The following MAGI2 variants were observed in gnomAD, a reference collection of about 807,000 sequenced individuals.
MAGI2 encodes the protein membrane associated guanylate kinase, WW and PDZ domain containing 2, also known as membrane-associated guanylate kinase, WW and PDZ domain-containing protein 2.
Under a neutral mutation model 133.3 loss-of-function variants are expected in MAGI2, and 35 were observed. That is an observed-to-expected ratio of 0.26 (90% CI 0.20 to 0.35). The LOEUF (loss-of-function observed/expected upper bound fraction) is 0.35, where lower values mean the gene tolerates loss of function less well. MAGI2 is among the 10% of genes least tolerant of loss of function. The pLI is 1.00. For synonymous variants in MAGI2, 729 were observed against 710.6 expected (o/e 1.03, Z -0.41); for missense variants, 1,636 against 1,863.4 (o/e 0.88, Z 2.25).
intron 21 of MAGI2, among the ~76,000 whole-genome samples, chr7:78,020,450 T>C (rs1808273218): frequency 6.6e-6 from 1 of 152,178 alleles, no homozygotes; most frequent in Non-Finnish European, 1.5e-5. Flanking sequence ...CTCTGTATTT[T>C]TATCAGGCAC....
intron 21 of MAGI2, among the ~76,000 whole-genome samples, chr7:78,033,008 A>AT (rs1809753332): frequency 6.6e-6 from 1 of 152,182 alleles, no homozygotes; most frequent in South Asian, 2.1e-4. Context: ...GAGAAATGGT[A>AT]TTTTAAAAGG....
intron 1 of MAGI2, among the ~76,000 whole-genome samples, chr7:79,281,800 T>A (rs2129558030): frequency 6.6e-6 from 1 of 152,318 alleles, no homozygotes; most frequent in South Asian, 2.1e-4. Flanking sequence ...TTGCAAGTTT[T>A]ACATACTATA....
intron 9 of MAGI2, among the ~76,000 whole-genome samples, chr7:78,296,294 A>C (rs371380538): frequency 5.3e-4 from 80 of 152,256 alleles, no homozygotes; most frequent in African/African-American, 1.8e-3. Flanking sequence ...ATCTCACCCT[A>C]ATTCATGTTC....
intron 1 of MAGI2, among the ~76,000 whole-genome samples, chr7:79,098,085 GC>G (rs1817669004): frequency 6.6e-6 from 1 of 152,150 alleles, no homozygotes; most frequent in South Asian, 2.1e-4. Flanking sequence ...TGGCACCTCT[GC>G]ACTCCAGCCT....
chr7:79,382,337 T>A (rs1843851624), intron 1 of MAGI2, among the ~76,000 whole-genome samples: 1 of 151,728 alleles, frequency 6.6e-6, no homozygotes, highest in Non-Finnish European at 1.5e-5. Flanking sequence ...ATATTTTTCT[T>A]CTTATATTCT....
intron 3 of MAGI2, among the ~76,000 whole-genome samples, chr7:78,594,158 T>A (rs1466780886): frequency 6.6e-6 from 1 of 152,242 alleles, no homozygotes; most frequent in Non-Finnish European, 1.5e-5. Flanking sequence ...CTCCTCAGAA[T>A]GTTGAAGCTG....
chr7:79,132,114 G>T (rs1820989999), intron 1 of MAGI2, among the ~76,000 whole-genome samples: 1 of 152,054 alleles, frequency 6.6e-6, no homozygotes, highest in Admixed American at 6.6e-5. Context: ...GTAATATCTT[G>T]CTGAAGGTAG....
chr7:79,134,439 G>A (rs763740275), intron 1 of MAGI2, among the ~76,000 whole-genome samples: 5 of 152,116 alleles, frequency 3.3e-5, no homozygotes, highest in Non-Finnish European at 7.4e-5. Flanking sequence ...TGGTGTGGTT[G>A]TTGCTTGCTG....
At chr7:79,450,751 A>G (rs1240554697) in intron 1 of MAGI2, among the ~76,000 whole-genome samples, 1 of 152,182 alleles carries the variant, frequency 6.6e-6, no homozygotes, top group Non-Finnish European at 1.5e-5. Context: ...TATCTAATCC[A>G]GGTCCTCATC....
intron 20 of MAGI2, among the ~76,000 whole-genome samples, chr7:78,113,796 C>A (rs1458363485): frequency 2.0e-5 from 3 of 152,074 alleles, no homozygotes; most frequent in African/African-American, 7.2e-5. Flanking sequence ...ACAGTACAGG[C>A]CTTGGGGAGA....
intron 3 of MAGI2, among the ~76,000 whole-genome samples, chr7:78,567,209 C>T (rs1357625701): frequency 6.6e-6 from 1 of 152,136 alleles, no homozygotes; most frequent in Non-Finnish European, 1.5e-5. Context: ...CTGTACTTTT[C>T]TTCTATTTCT....
intron 1 of MAGI2, among the ~76,000 whole-genome samples, chr7:79,012,906 A>C (rs1436590237): frequency 6.6e-6 from 1 of 152,126 alleles, no homozygotes; most frequent in East Asian, 1.9e-4. Context: ...TTATATCCAC[A>C]CATGGCCAAG....
intron 2 of MAGI2, among the ~76,000 whole-genome samples, chr7:78,740,691 C>T (rs1437460260): frequency 6.6e-6 from 1 of 152,120 alleles, no homozygotes; most frequent in Non-Finnish European, 1.5e-5. Flanking sequence ...TAATTCAGAC[C>T]AGACTCTTTT....
At position 78,280,775 on chromosome 7, in the gene MAGI2, A is replaced by G. The variant is rs553181924; in HGVS notation, c.1409-24194T>C. ...ATGGCACCACTGGAGTTGGTTAGAA[A>G]TACGGAATGTCAAGTCCCTCCCCCG... On this transcript the variant is annotated intron_variant, in intron 9 of 21. Transcript: ENST00000354212. 5.3e-5 allele frequency among the ~76,000 whole-genome samples: 8 copies of G among 150,784 alleles called. No homozygotes were observed. In the South Asian group the frequency reaches 1.0e-3, roughly 20 times the overall value.
intron 2 of MAGI2, among the ~76,000 whole-genome samples, chr7:78,845,485 T>C (rs1792512771): frequency 6.6e-6 from 1 of 151,904 alleles, no homozygotes; most frequent in Admixed American, 6.6e-5. Flanking sequence ...TACGAAGTTA[T>C]TTCAGTTTCT....
chr7:78,252,788 A>T (rs1792546955), intron 10 of MAGI2: 1 of 152,150 alleles, frequency 6.6e-6, no homozygotes, highest in Admixed American at 6.5e-5. Flanking sequence ...AAAAATATAA[A>T]AAATTAGCCA....
At chr7:78,404,653 T>G (rs953886996) in intron 6 of MAGI2, among the ~76,000 whole-genome samples, 1 of 152,130 alleles carries the variant, frequency 6.6e-6, no homozygotes, top group African/African-American at 2.4e-5. Flanking sequence ...CCTTATACCT[T>G]ATACAAAAAT....
intron 3 of MAGI2, among the ~76,000 whole-genome samples, chr7:78,583,999 G>A (rs1205989580): frequency 6.6e-6 from 1 of 152,182 alleles, no homozygotes; most frequent in Admixed American, 6.5e-5. Flanking sequence ...AATAGCAGAG[G>A]TCAGTCACTA....
At chr7:78,624,418 T>C (rs1808097967) in intron 3 of MAGI2, among the ~76,000 whole-genome samples, 1 of 152,138 alleles carries the variant, frequency 6.6e-6, no homozygotes, top group South Asian at 2.1e-4. Flanking sequence ...AATGAAAGAC[T>C]GGATAAAGAA....
Sources: allele counts gnomAD v4.1 joint callset (sites outside exome capture counted in the v4.1 genomes callset), GRCh38; gene constraint gnomAD v4.1.1; transcripts MANE v1.5; gene names NCBI Gene and HGNC (gene_info 2026-07-23, HGNC 2026-07-21).